PCDHGB6: variants seen among roughly 807,000 people sequenced by gnomAD.
PCDHGB6 encodes protocadherin gamma subfamily B, 6, also known as protocadherin gamma-B6.
Under a neutral mutation model 59.1 loss-of-function variants are expected in PCDHGB6, and 51 were observed. The ratio of observed to expected loss-of-function variants is 0.86; its 90% CI spans 0.69 to 1.09. PCDHGB6 has a LOEUF of 1.09. Ranked by LOEUF, PCDHGB6 falls within the 50% of genes least tolerant of loss-of-function variation. The pLI, the probability that PCDHGB6 is intolerant of heterozygous loss-of-function variation, is 0.00. For synonymous variants in PCDHGB6, 466 were observed against 495.1 expected (o/e 0.94, Z 0.78); for missense variants, 1,148 against 1,205.1 (o/e 0.95, Z 0.70).
intron 1 of PCDHGB6, chr5:141,412,431 G>GTTAA (rs1478574285): frequency 6.6e-6 from 1 of 152,132 alleles, no homozygotes; most frequent in African/African-American, 2.4e-5. Context: ...ACACAAAAAG[G>GTTAA]TTAATTAAGG....
rs1389286417 is a variant in PCDHGB6 at position 141,432,046 on chromosome 5, C to T, written c.2418+21426C>T. ...CAGTGACCGCCACTGACCGGGGAAC[C>T]CCGCCCCTATCCACGGAAACTCATA... On this transcript the variant is annotated intron_variant, in intron 1 of 3. Transcript: ENST00000520790. This position sits in a 1 kb window ranked among gnomAD's most constrained non-coding sequence, Gnocchi z 6.0. 3.1e-6 allele frequency: 5 copies of T among 1,614,224 alleles called. No homozygotes were observed. The highest frequency in any genetic ancestry group is 2.2e-5 in the East Asian group (1 of 44,886).
intron 1 of PCDHGB6, chr5:141,415,746 T>TTG: frequency 3.0e-6 from 2 of 662,596 alleles, no homozygotes; most frequent in Non-Finnish European, 3.7e-6. Flanking sequence ...TAAGGTTTTT[T>TTG]TTTTTTTTTT....
At chr5:141,499,247 A>C (rs908111927) in intron 2 of PCDHGB6, among the ~76,000 whole-genome samples, 1 of 152,036 alleles carries the variant, frequency 6.6e-6, no homozygotes, top group Non-Finnish European at 1.5e-5. Flanking sequence ...CTCTGCACAA[A>C]GAGTCTCCAT....
chr5:141,456,698 C>T (rs1466672057), intron 1 of PCDHGB6, among the ~76,000 whole-genome samples: 1 of 152,132 alleles, frequency 6.6e-6, no homozygotes, highest in Non-Finnish European at 1.5e-5. Flanking sequence ...GGCGTGGTGG[C>T]TCGCGCCTGT....
At chr5:141,470,469 A>T (rs1423801455) in intron 1 of PCDHGB6, among the ~76,000 whole-genome samples, 1 of 152,194 alleles carries the variant, frequency 6.6e-6, no homozygotes, top group Non-Finnish European at 1.5e-5. Context: ...ATTTTCTGAT[A>T]TTACTAACCC....
intron 1 of PCDHGB6, among the ~76,000 whole-genome samples, chr5:141,446,150 A>G (rs754792549): frequency 6.6e-6 from 1 of 152,216 alleles, no homozygotes; most frequent in Non-Finnish European, 1.5e-5. Flanking sequence ...GAATAGGTGG[A>G]ATATAAATTT....
In PCDHGB6 at chr5:141,409,561, C is replaced by T. The variant is rs1296401858; in HGVS notation, c.1359C>T (p.Asp453=). The T allele has an allele frequency of 2.5e-6, 4 of 1,613,986 alleles. No individual in the cohort carries two copies. The highest frequency in any genetic ancestry group is 3.4e-6 in the Non-Finnish European group (4 of 1,179,902). The change falls in exon 1 of 4, where the codon GAC becomes GAT. Residue 453 remains aspartate, a synonymous_variant. Transcript: ENST00000520790. ...TCAACGACAACGCCCCAGTTTTCGA[C>T]CAGACGTCCTACGTGGTCCACGTGG... ...ADINDNAPVF[D]QTSYVVHVAE...
At chr5:141,506,680 A>G (rs949777571) in intron 3 of PCDHGB6, among the ~76,000 whole-genome samples, 1 of 152,212 alleles carries the variant, frequency 6.6e-6, no homozygotes, top group Non-Finnish European at 1.5e-5. Context: ...ATATATTATT[A>G]TCTTTGCTGA....
chr5:141,423,065 G>C, intron 1 of PCDHGB6: 1 of 1,614,138 alleles, frequency 6.2e-7, no homozygotes, highest in Non-Finnish European at 8.5e-7. Flanking sequence ...CTTAAGGCCA[G>C]CGAGCCGGGA....
At chr5:141,422,936 C>A (rs1428873210) in intron 1 of PCDHGB6, 2 of 1,614,260 alleles carry the variant, frequency 1.2e-6, no homozygotes, top group East Asian at 4.5e-5. Flanking sequence ...GCCCTCCCCA[C>A]AGACGGCTCC....
intron 1 of PCDHGB6, chr5:141,414,817 A>C: frequency 6.2e-7 from 1 of 1,614,214 alleles, no homozygotes; most frequent in Non-Finnish European, 8.5e-7. Context: ...TCCACTCAGC[A>C]GCAACGTGTC....
rs1441582051 is a variant in PCDHGB6, at chr5:141,487,416, G to A, written c.2419-7391G>A. 1 of 1,614,088 alleles carries A rather than the reference G, an allele frequency of 6.2e-7. No individual in the cohort carries two copies. Among genetic ancestry groups the A allele is most frequent in the Admixed American group, 1.7e-5 (1 of 60,024 alleles). On this transcript the variant is annotated intron_variant, in intron 1 of 3. Coordinates refer to ENST00000520790, the MANE Select transcript of PCDHGB6 (RefSeq NM_018926.3). The surrounding 1 kb of genome is among the most constrained non-coding windows in gnomAD (Gnocchi z 5.0). ...AGGGAGGGGCTTCCCCCTTCCAATGGGATCCTCCGAATCCAGCTAGGGTCA... is the reference window on the plus strand; with the variant it reads ...AGGGAGGGGCTTCCCCCTTCCAATGAGATCCTCCGAATCCAGCTAGGGTCA...
In PCDHGB6 at chr5:141,487,493, C is replaced by T; in HGVS notation, c.2419-7314C>T. 6.2e-7 allele frequency: 1 copy of T among 1,614,168 alleles called. No individual in the cohort carries two copies. The highest frequency in any genetic ancestry group is 1.1e-5 in the South Asian group (1 of 91,088). On this transcript the variant is annotated intron_variant, in intron 1 of 3. Coordinates refer to ENST00000520790, the MANE Select transcript of PCDHGB6 (RefSeq NM_018926.3). The surrounding 1 kb of genome is among the most constrained non-coding windows in gnomAD (Gnocchi z 5.0). ...GGGAGGCCACTCTCATGGCTGTACA[C>T]CCTTGGCTTCTGCACCCACTCGGAG...
At chr5:141,445,427 C>G (rs964779092) in intron 1 of PCDHGB6, among the ~76,000 whole-genome samples, 4 of 152,152 alleles carry the variant, frequency 2.6e-5, no homozygotes, top group African/African-American at 9.7e-5. Flanking sequence ...ATATGCAAGG[C>G]ACTGACCTAT....
At chr5:141,415,695 T>C (rs1284418994) in intron 1 of PCDHGB6, 1 of 1,537,350 alleles carries the variant, frequency 6.5e-7, no homozygotes, top group South Asian at 1.2e-5. Context: ...TGGTGGAAAG[T>C]GTAAATGCTA....
intron 1 of PCDHGB6, among the ~76,000 whole-genome samples, chr5:141,463,618 T>G (rs2099065558): frequency 6.6e-6 from 1 of 151,792 alleles, no homozygotes; most frequent in African/African-American, 2.4e-5. Context: ...CCGGCTAATT[T>G]TTTGTATTTT....
chr5:141,486,161 A>G lies in PCDHGB6; in HGVS notation c.2419-8646A>G. 1 of 1,614,216 alleles carries G rather than the reference A, an allele frequency of 6.2e-7. No individual in the cohort carries two copies. The highest frequency in any genetic ancestry group is 8.5e-7 in the Non-Finnish European group (1 of 1,180,038). ...GGCTCGCGATGGGGGTTCTCCAGCC[A>G]TGGAGCAACATTGCAGCCTTCGAGT... On this transcript the variant is annotated intron_variant, in intron 1 of 3. Coordinates refer to ENST00000520790, the MANE Select transcript of PCDHGB6 (RefSeq NM_018926.3). The surrounding 1 kb of genome is among the most constrained non-coding windows in gnomAD (Gnocchi z 5.0).
At position 141,409,967 on chromosome 5, in the gene PCDHGB6, AC is replaced by A. The variant is rs779248187; in HGVS notation, c.1766del (p.Thr589IlefsTer4). ...CTCTGCAGAGCCCGGCTACCTAGTGACTAAGGTGGTAGCGGTGGACGCCGAC... is the reference window on the plus strand; with the variant it reads ...CTCTGCAGAGCCCGGCTACCTAGTGATAAGGTGGTAGCGGTGGACGCCGAC... ...PRSAEPGYLV[T>X]KVVAVDADSG... is the part of the protein sequence containing the mutation. On this transcript the variant is annotated frameshift_variant, in exon 1 of 4. Transcript: ENST00000520790. LOFTEE classifies it high-confidence loss of function. 29 of 1,613,086 alleles carry A rather than the reference AC, an allele frequency of 1.8e-5. No homozygotes were observed. The highest frequency in any genetic ancestry group is 2.4e-5 in the Non-Finnish European group (28 of 1,179,798).
At chr5:141,449,251 A>T (rs918418872) in intron 1 of PCDHGB6, among the ~76,000 whole-genome samples, 10 of 152,256 alleles carry the variant, frequency 6.6e-5, no homozygotes, top group Middle Eastern at 3.4e-3. Flanking sequence ...AGTTGCAAGA[A>T]TTGTACAAAG....
Sources: gnomAD v4.1 joint callset for allele counts (sites outside exome capture counted in the v4.1 genomes callset) on GRCh38, gnomAD v4.1.1 for gene constraint, Gnocchi (gnomAD v3.1) non-coding constraint, MANE v1.5 for transcripts, NCBI Gene and HGNC (gene_info 2026-07-23, HGNC 2026-07-21) for gene names.